Variants in FAM167A observed in about 807,000 individuals in gnomAD.
The protein encoded by FAM167A is protein FAM167A.
Under a neutral mutation model 14.9 loss-of-function variants are expected in FAM167A, and 23 were observed. That is an observed-to-expected ratio of 1.55 (90% confidence interval 1.11 to 2.19). FAM167A has a LOEUF of 2.19. Among genes scored for constraint, FAM167A ranks in the 30% most tolerant of loss-of-function variants. FAM167A has a pLI of 0.00. For missense variants in FAM167A, 401 were observed against 281.5 expected, an observed-to-expected ratio of 1.42 and a Z score of -3.04; for synonymous variants, 174 against 117.7, an observed-to-expected ratio of 1.48 and a Z score of -3.10.
At chr8:11,458,780 T>G (rs1381057954) in intron 1 of FAM167A, among the ~76,000 whole-genome samples, 2 of 150,480 alleles carry the variant, frequency 1.3e-5, no homozygotes, top group African/African-American at 4.9e-5. Flanking sequence ...TAAGGCGAAC[T>G]AAGGGAAAAA....
At chr8:11,469,479 G>A (rs6980990), upstream of FAM167A, among the ~76,000 whole-genome samples, 10,905 of 105,556 alleles carry the variant, frequency 0.1, 1,186 homozygotes, top group African/African-American at 0.27. Flanking sequence ...TCTTCCCTTT[G>A]ATTCCTTACA....
At chr8:11,431,710 C>A (rs1001554386) in intron 2 of FAM167A, among the ~76,000 whole-genome samples, 1 of 151,630 alleles carries the variant, frequency 6.6e-6, no homozygotes, top group Non-Finnish European at 1.5e-5. Context: ...CAAGCGTGGC[C>A]GCAGGTGCTG....
intron 2 of FAM167A, among the ~76,000 whole-genome samples, chr8:11,431,841 T>G (rs1490888030): frequency 1.8e-5 from 2 of 112,116 alleles, no homozygotes; most frequent in South Asian, 3.0e-4. Context: ...AGGGCCTCTC[T>G]GGGGGGTTAC....
intron 1 of FAM167A, among the ~76,000 whole-genome samples, chr8:11,451,634 C>T (rs907411021): frequency 1.3e-5 from 2 of 152,220 alleles, no homozygotes; most frequent in African/African-American, 4.8e-5. Context: ...CCAGCTCATG[C>T]CCTGGTGACC....
chr8:11,461,235 G>A (rs904638204), intron 1 of FAM167A, among the ~76,000 whole-genome samples: 19 of 152,350 alleles, frequency 1.2e-4, no homozygotes, highest in Non-Finnish European at 2.2e-4. Flanking sequence ...GGGAAAGGGC[G>A]GCCCTGGCAG....
chr8:11,424,763 C>G lies in FAM167A; in HGVS notation c.382-127G>C, dbSNP rs1017007026. On this transcript the variant is annotated intron_variant, in intron 2 of 2. Transcript: ENST00000284486. Reference sequence around the variant, plus strand: ...AGTGGTCCATCTAGAAATATTAGCACTTTCCCTGCTCAGGGAGGTGAAAAG... The same window carrying G: ...AGTGGTCCATCTAGAAATATTAGCAGTTTCCCTGCTCAGGGAGGTGAAAAG... 1.3e-5 allele frequency: 17 copies of G among 1,351,694 alleles called. No homozygotes were observed. The Admixed American group carries it at 3.6e-4, about 28-fold the overall frequency. The allele number at this position is 1,351,694 out of a possible 1,614,324, so 83.7% of individuals were successfully genotyped here.
At chr8:11,445,625 G>A in intron 1 of FAM167A, 4 of 985,354 alleles carry the variant, frequency 4.1e-6, no homozygotes, top group Non-Finnish European at 4.8e-6. Flanking sequence ...CATCTCCAGA[G>A]AGGAGGCATA....
At chr8:11,445,559 G>A (rs575255060) in intron 1 of FAM167A, 10 of 985,416 alleles carry the variant, frequency 1.0e-5, no homozygotes, top group East Asian at 1.1e-4. Context: ...CTAAGTGCCC[G>A]CATGGCAGCA....
At chr8:11,454,961 G>C in intron 1 of FAM167A, among the ~76,000 whole-genome samples, 1 of 152,210 alleles carries the variant, frequency 6.6e-6, no homozygotes, top group South Asian at 2.1e-4. Context: ...CTGAGCAGGA[G>C]GGACCCTGCT....
intron 2 of FAM167A, among the ~76,000 whole-genome samples, chr8:11,429,428 C>T (rs532431945): frequency 6.6e-6 from 1 of 152,296 alleles, no homozygotes; most frequent in East Asian, 1.9e-4. Flanking sequence ...GACTGGAGTG[C>T]CTCCTCCTGT....
At chr8:11,455,685 G>A (rs1807226209) in intron 1 of FAM167A, among the ~76,000 whole-genome samples, 1 of 108,270 alleles carries the variant, frequency 9.2e-6, no homozygotes, top group Non-Finnish European at 1.9e-5. Context: ...TGTGAGTGTG[G>A]GTGTGGGGGA....
chr8:11,444,827 C>A lies in FAM167A; in HGVS notation c.-397-19G>T. On this transcript the variant is annotated intron_variant, in intron 1 of 2. Coordinates refer to ENST00000284486, the MANE Select transcript of FAM167A (RefSeq NM_053279.3). ...GGAGACCCTGTGGGAGGGATGAGAA[C>A]CGCATCAGTCCCGATCCCTGCCCTG... The A allele has an allele frequency of 2.0e-6, 2 of 998,134 alleles. No homozygotes were observed. Among genetic ancestry groups the A allele is most frequent in the Non-Finnish European group, 2.4e-6 (2 of 838,120 alleles). 61.8% of individuals were successfully genotyped at this position (998,134 alleles called of 1,614,324 possible).
At chr8:11,424,751 G>C (rs1375791733) in intron 2 of FAM167A, 115 bp from the exon 3 acceptor site, 1 of 1,410,314 alleles carries the variant, frequency 7.1e-7, no homozygotes, top group Admixed American at 2.1e-5. Context: ...GGTCCATCTA[G>C]AAATATTAGC....
intron 2 of FAM167A, among the ~76,000 whole-genome samples, chr8:11,430,162 T>C (rs528398164): frequency 2.0e-5 from 3 of 152,332 alleles, no homozygotes; most frequent in East Asian, 3.9e-4. Flanking sequence ...GCCTGGTGTC[T>C]CTCTGAGAAC....
chr8:11,438,485 T>C (rs1202956868), intron 2 of FAM167A: 5 of 457,268 alleles, frequency 1.1e-5, no homozygotes, highest in African/African-American at 2.0e-5. Context: ...ACCGATTACA[T>C]TGGCAAGGGA....
intron 1 of FAM167A, among the ~76,000 whole-genome samples, chr8:11,450,259 C>T (rs1431616097): frequency 3.9e-5 from 6 of 152,172 alleles, no homozygotes; most frequent in African/African-American, 1.4e-4. Flanking sequence ...CTGTGTGTAC[C>T]CAGGACAACC....
At position 11,429,955 on chromosome 8, in the gene FAM167A, G is replaced by A. The variant is rs148117774; in HGVS notation, c.382-5319C>T. Among the ~76,000 whole-genome samples, 247 of 152,336 alleles carry A rather than the reference G, an allele frequency of 1.6e-3. 1 individual carries two copies. Among genetic ancestry groups the A allele is most frequent in the African/African-American group, 5.6e-3 (231 of 41,586 alleles). On this transcript the variant is annotated intron_variant, in intron 2 of 2. Transcript: ENST00000284486. ...CGCTGGCCAAATCAAAGTAAGAGGT[G>A]CACCATCACTTAAGTCCTTTCTCTC... is the stretch of plus-strand genomic sequence containing the variant.
At position 11,438,605 on chromosome 8, in the gene FAM167A, A is replaced by T. The variant is rs1436117598; in HGVS notation, c.381+5426T>A. ...TTGGAAACTTCGAAAACTATAAAAAAGTCAAAAGAATAATATTACCACTCA... is the reference window on the plus strand; with the variant it reads ...TTGGAAACTTCGAAAACTATAAAAATGTCAAAAGAATAATATTACCACTCA... On this transcript the variant is annotated intron_variant, in intron 2 of 2. Transcript: ENST00000284486. The T allele has an allele frequency of 1.6e-5, 7 of 427,884 alleles. No individual in the cohort carries two copies. The East Asian group carries it at 4.9e-4, about 30-fold the overall frequency. The allele number at this position is 427,884 out of a possible 1,614,324, so 26.5% of individuals were successfully genotyped here. A position where few individuals can be genotyped will look rare whatever the true frequency, so the allele number is the denominator to read the frequency against.
chr8:11,460,851 T>C (rs910442938), intron 1 of FAM167A, among the ~76,000 whole-genome samples: 1 of 152,150 alleles, frequency 6.6e-6, no homozygotes. Context: ...CAGGGAAACC[T>C]TGCTTGTCTC....
Sources: allele counts gnomAD v4.1 joint callset (sites outside exome capture counted in the v4.1 genomes callset), GRCh38; gene constraint gnomAD v4.1.1; transcripts MANE v1.5; gene names NCBI Gene and HGNC (gene_info 2026-07-23, HGNC 2026-07-21).